The following DPP6 variants were observed in gnomAD, a reference collection of about 807,000 sequenced individuals.
DPP6 encodes A-type potassium channel modulatory protein DPP6.
DPP6 carries 69 observed loss-of-function variants against 122.6 expected under a neutral mutation model. That is an observed-to-expected ratio of 0.56 (90% CI 0.46 to 0.69). The LOEUF (loss-of-function observed/expected upper bound fraction) is 0.69, where lower values mean the gene tolerates loss of function less well. DPP6 is among the 30% of genes least tolerant of loss of function. The probability of loss-of-function intolerance (pLI) is 0.00; values close to 1 mark genes in which losing one functional copy is unlikely to be tolerated. For missense variants in DPP6, 928 were observed against 1,116.9 expected (o/e 0.83, Z 2.41); for synonymous variants, 418 against 433.1 (o/e 0.97, Z 0.43).
chr7:153,981,731 A>C (rs909268080), intron 1 of DPP6, among the ~76,000 whole-genome samples: 1 of 152,196 alleles, frequency 6.6e-6, no homozygotes, highest in Non-Finnish European at 1.5e-5. Flanking sequence ...CTTTTAGGGA[A>C]GGCCTGGTGG....
chr7:154,873,078 C>CTGG (rs1804529404), intron 19 of DPP6, among the ~76,000 whole-genome samples: 1 of 152,266 alleles, frequency 6.6e-6, no homozygotes, highest in Admixed American at 6.5e-5. Flanking sequence ...GTGGGTCTCA[C>CTGG]TGGCTGGCAT....
chr7:154,789,105 C>G (rs969668928), intron 10 of DPP6, among the ~76,000 whole-genome samples: 2 of 152,204 alleles, frequency 1.3e-5, no homozygotes, highest in African/African-American at 4.8e-5. Context: ...TACCTGGCCA[C>G]AGACAAAGGG....
intron 1 of DPP6, among the ~76,000 whole-genome samples, chr7:154,170,704 A>G (rs1797493299): frequency 6.6e-6 from 1 of 152,212 alleles, no homozygotes; most frequent in Middle Eastern, 3.2e-3. Context: ...TGCCCCTGGT[A>G]TGGGAAGGGA....
intron 1 of DPP6, among the ~76,000 whole-genome samples, chr7:154,029,984 C>A (rs1326828297): frequency 6.6e-6 from 1 of 152,114 alleles, no homozygotes; most frequent in African/African-American, 2.4e-5. Flanking sequence ...TCACTTGAGG[C>A]CAGGTGTTTG....
chr7:154,190,352 C>T (rs963043552), intron 1 of DPP6, among the ~76,000 whole-genome samples: 4 of 151,780 alleles, frequency 2.6e-5, no homozygotes, highest in Admixed American at 2.6e-4. Context: ...GAAAAGAGAG[C>T]GTTTATATAA....
chr7:153,839,994 T>C, the DPP6 span, among the ~76,000 whole-genome samples: 22 of 152,334 alleles, frequency 1.4e-4, no homozygotes, highest in Admixed American at 4.6e-4. Flanking sequence ...TGTGTGATTT[T>C]GGCTTTGTCC....
intron 3 of DPP6, among the ~76,000 whole-genome samples, chr7:154,525,423 G>A (rs1485604930): frequency 3.9e-5 from 6 of 152,190 alleles, no homozygotes; most frequent in Admixed American, 1.3e-4. Flanking sequence ...CTCCCAAAGT[G>A]CTGGGATGAT....
At chr7:154,311,561 T>C (rs963737138) in intron 1 of DPP6, among the ~76,000 whole-genome samples, 19 of 152,094 alleles carry the variant, frequency 1.2e-4, no homozygotes, top group African/African-American at 4.6e-4. Flanking sequence ...ATCCTGTTTG[T>C]TGGTGCAATT....
the DPP6 span, among the ~76,000 whole-genome samples, chr7:153,759,931 CTCTGTT>C: frequency 6.6e-6 from 1 of 151,820 alleles, no homozygotes; most frequent in African/African-American, 2.4e-5. Context: ...CTCTCTCTCT[CTCTGTT>C]TCTGTCTCTC....
At chr7:154,370,386 A>C in intron 1 of DPP6, among the ~76,000 whole-genome samples, 1 of 85,408 alleles carries the variant, frequency 1.2e-5, no homozygotes, top group African/African-American at 4.5e-5. Context: ...TTTGGGGGGG[A>C]GGGGGGATGG....
intron 1 of DPP6, among the ~76,000 whole-genome samples, chr7:154,268,393 A>G (rs991874480): frequency 2.0e-5 from 3 of 152,178 alleles, no homozygotes; most frequent in Non-Finnish European, 2.9e-5. Context: ...GCATCTGGTG[A>G]GGGCCCGTTC....
chr7:154,797,242 G>A (rs954619111), intron 12 of DPP6, among the ~76,000 whole-genome samples: 5 of 151,978 alleles, frequency 3.3e-5, no homozygotes, highest in South Asian at 2.1e-4. Context: ...AAAATGAGTC[G>A]GCTACTATCA....
At chr7:154,628,311 G>A (rs948660709) in intron 5 of DPP6, among the ~76,000 whole-genome samples, 8 of 152,150 alleles carry the variant, frequency 5.3e-5, no homozygotes, top group Admixed American at 3.9e-4. Flanking sequence ...AAAGAGACCA[G>A]GCCTACTGAC....
chr7:153,853,490 C>T, the DPP6 span, among the ~76,000 whole-genome samples: 9 of 152,256 alleles, frequency 5.9e-5, no homozygotes, highest in African/African-American at 2.2e-4. Context: ...TTGTTGTCAA[C>T]CAGAATTTTT....
At chr7:154,373,400 G>A (rs911363719) in intron 1 of DPP6, among the ~76,000 whole-genome samples, 8 of 152,132 alleles carry the variant, frequency 5.3e-5, no homozygotes, top group East Asian at 1.9e-4. Flanking sequence ...TGTTTGCTTC[G>A]TGAGGCGGTT....
At chr7:153,976,805 T>C (rs1056679878) in intron 1 of DPP6, among the ~76,000 whole-genome samples, 1 of 152,208 alleles carries the variant, frequency 6.6e-6, no homozygotes, top group Non-Finnish European at 1.5e-5. Flanking sequence ...ACTTTATTTC[T>C]AAGTCAGGGG....
At chr7:154,335,776 C>T (rs1241916382) in intron 1 of DPP6, among the ~76,000 whole-genome samples, 10 of 151,930 alleles carry the variant, frequency 6.6e-5, no homozygotes, top group Non-Finnish European at 1.5e-5. Flanking sequence ...AACATCAATA[C>T]ATTAGCAAAA....
intron 16 of DPP6, among the ~76,000 whole-genome samples, chr7:154,810,628 G>A (rs530097326): frequency 1.3e-5 from 2 of 152,282 alleles, no homozygotes; most frequent in Admixed American, 1.3e-4. Flanking sequence ...CAGAAGCAAA[G>A]AACAAGTACA....
chr7:154,303,799 A>T lies in DPP6; in HGVS notation c.244-142415A>T, dbSNP rs143521092. Among the ~76,000 whole-genome samples the T allele has an allele frequency of 2.7e-3, 414 of 152,274 alleles. 2 individuals carry two copies. Among genetic ancestry groups the T allele is most frequent in the African/African-American group, 9.4e-3 (391 of 41,548 alleles). The stretch of plus-strand genomic sequence containing the variant: ...CCAAATACGTACTCAGACCAGAATT[A>T]AGTTCAGGCCATGGTAGAGGTGACC... On this transcript the variant is annotated intron_variant, in intron 1 of 25. Coordinates refer to ENST00000377770, the MANE Select transcript of DPP6 (RefSeq NM_130797.4).
Sources: allele counts gnomAD v4.1 joint callset (sites outside exome capture counted in the v4.1 genomes callset), GRCh38; gene constraint gnomAD v4.1.1; transcripts MANE v1.5; gene names NCBI Gene and HGNC (gene_info 2026-07-23, HGNC 2026-07-21).